The following BTBD17 variants were observed in gnomAD, a reference collection of about 807,000 sequenced individuals.
BTBD17 encodes the protein BTB/POZ domain-containing protein 17.
BTBD17 carries 26 observed loss-of-function variants against 36.9 expected under a neutral mutation model. The observed-to-expected ratio is 0.70, with a 90% confidence interval of 0.52 to 0.98. The LOEUF (loss-of-function observed/expected upper bound fraction) is 0.98. Ranked by LOEUF, BTBD17 falls within the 50% of genes least tolerant of loss-of-function variation. The probability of loss-of-function intolerance (pLI) is 0.00; values close to 1 mark genes in which losing one functional copy is unlikely to be tolerated. For missense variants in BTBD17, 630 were observed against 691.3 expected (o/e 0.91, Z 0.99); for synonymous variants, 341 against 338.0 (o/e 1.01, Z -0.10).
rs781400329 is a variant in BTBD17, at chr17:74,356,783, C to T, written c.1311G>A (p.Glu437=). 5.6e-6 allele frequency: 9 copies of T among 1,602,148 alleles called. No homozygotes were observed. The highest frequency in any genetic ancestry group is 7.7e-6 in the Non-Finnish European group (9 of 1,175,606). Residue 437 remains glutamate, a synonymous_variant, in exon 3 of 3, where the codon GAG becomes GAA. Coordinates refer to ENST00000375366, the MANE Select transcript of BTBD17 (RefSeq NM_001080466.2). This position sits in a 1 kb window ranked among gnomAD's most constrained non-coding sequence, Gnocchi z 4.3. Reference sequence around the variant, plus strand: ...CGGCGTGCGCCAGGAAGTCGCCGGCCTCCTCGCTGCTCTGGTGGAAGCTGT... The same window carrying T: ...CGGCGTGCGCCAGGAAGTCGCCGGCTTCCTCGCTGCTCTGGTGGAAGCTGT... The part of the protein sequence containing the change: ...HAYSFHQSSE[E]AGDFLAHADL...
intron 1 of BTBD17, 93 bp downstream of exon 1, chr17:74,361,642 G>T: frequency 9.8e-7 from 1 of 1,017,312 alleles, no homozygotes; most frequent in Non-Finnish European, 1.5e-6. Context: ...CCCAGCAGCT[G>T]GACACCGCCC....
Position 74,356,832 on chromosome 17 carries a change from C to T in BTBD17, c.1262G>A (p.Gly421Asp), listed in dbSNP as rs1289103514. 6.4e-7 allele frequency: 1 copy of T among 1,570,298 alleles called. No individual in the cohort carries two copies. The highest frequency in any genetic ancestry group is 8.6e-7 in the Non-Finnish European group (1 of 1,164,326). Reference protein sequence around the residue: ...KTVLVGARQQGRLLVRHAYSF... With the variant: ...KTVLVGARQQDRLLVRHAYSF... ...GTAGGCGTGGCGGACCAGCAGGCGG[C>T]CCTGCTGGCGCGCCCCCACCAGCAC... The change falls in exon 3 of 3, where the codon GGC becomes GAC. Residue 421 changes from glycine to aspartate, a missense_variant. Coordinates refer to ENST00000375366, the MANE Select transcript of BTBD17 (RefSeq NM_001080466.2). The surrounding 1 kb of genome is among the most constrained non-coding windows in gnomAD (Gnocchi z 4.3).
At position 74,361,784 on chromosome 17, in the gene BTBD17, C is replaced by T; in HGVS notation, c.36G>A (p.Trp12Ter). The T allele has an allele frequency of 6.2e-7, 1 of 1,613,936 alleles. No homozygotes were observed. The highest frequency in any genetic ancestry group is 8.5e-7 in the Non-Finnish European group (1 of 1,179,934). The change falls in exon 1 of 3, where the codon TGG becomes TGA. Residue 12 changes from tryptophan (W) to a stop codon, truncating the protein, a stop_gained. Transcript: ENST00000375366. LOFTEE classifies it high-confidence loss of function. ...AGGTCAGCATGGCCCAGAAGCTGCC[C>T]CAGGACCCAGGCTTGGAGTAGCCTC... ...PRRGYSKPGS[W>*]GSFWAMLTLV...
Position 74,357,868 on chromosome 17 carries a change from C to G in BTBD17, c.363-137G>C. On this transcript the variant is annotated intron_variant, in intron 2 of 2. Coordinates refer to ENST00000375366, the MANE Select transcript of BTBD17 (RefSeq NM_001080466.2). This position sits in a 1 kb window ranked among gnomAD's most constrained non-coding sequence, Gnocchi z 8.4. ...GTGCAAACACAGTGGAAGCCCCACC[C>G]TGAGGCTTCCCATGTTTTCCTTTCA... 4.8e-6 allele frequency: 3 copies of G among 621,630 alleles called. No individual in the cohort carries two copies. Among genetic ancestry groups the G allele is most frequent in the Non-Finnish European group, 8.1e-6 (3 of 372,044 alleles). The allele number at this position is 621,630 out of a possible 1,614,324, so 38.5% of individuals were successfully genotyped here.
At chr17:74,360,371 C>T (rs1012002046) in intron 1 of BTBD17, 126 bp from the exon 2 acceptor site, 6 of 1,028,428 alleles carry the variant, frequency 5.8e-6, no homozygotes, top group African/African-American at 1.6e-5. Flanking sequence ...TGGGCCTAGG[C>T]GGGTTGTATG....
rs369569004 is a variant in BTBD17 at position 74,357,435 on chromosome 17, G to A, written c.659C>T (p.Ser220Leu). Residue 220 changes from serine to leucine, a missense_variant, in exon 3 of 3, where the codon TCG (serine) becomes TTG (leucine). Ser to Leu is a moderately radical substitution (Grantham distance 145). Transcript: ENST00000375366. This position sits in a 1 kb window ranked among gnomAD's most constrained non-coding sequence, Gnocchi z 8.4. ...CAGTTCATCCTGCAGCACCAGGTCC[G>A]AGCGTTGCAGGAGCTGCCAGAGCAG... is the stretch of plus-strand genomic sequence containing the variant. ...PELLWQLLQR[S>L]DLVLQDELEL... is the part of the protein sequence containing the mutation. The A allele has an allele frequency of 2.5e-5, 40 of 1,583,948 alleles. No individual in the cohort carries two copies. The highest frequency in any genetic ancestry group is 3.2e-5 in the Non-Finnish European group (37 of 1,173,564).
chr17:74,359,231 A>G (rs2054919199), intron 2 of BTBD17, among the ~76,000 whole-genome samples: 1 of 152,218 alleles, frequency 6.6e-6, no homozygotes, highest in Non-Finnish European at 1.5e-5. Context: ...ATATTCGTCT[A>G]TAATGGAATA....
intron 1 of BTBD17, 115 bp from the exon 2 acceptor site, chr17:74,360,360 G>C: frequency 2.6e-6 from 3 of 1,147,366 alleles, no homozygotes; most frequent in South Asian, 1.6e-5. Flanking sequence ...AGAGGGCAAG[G>C]TGGGCCTAGG....
rs2054896890 is a variant in BTBD17, at chr17:74,356,995, C to G, written c.1099G>C (p.Val367Leu). The G allele has an allele frequency of 3.4e-6, 5 of 1,485,874 alleles. 1 individual carries two copies. Among genetic ancestry groups the G allele is most frequent in the Middle Eastern group, 2.0e-4 (1 of 4,894 alleles). 92.0% of individuals were successfully genotyped at this position (1,485,874 alleles called of 1,614,324 possible). ...TCCGCGTAAACGGGCCGCAGGCTGA[C>G]GGGCAGCCAGCGCGGCGAGAAGAGC... ...NVLFSPRWLPVSLRPVYADAA... is the reference protein window; with the variant it reads ...NVLFSPRWLPLSLRPVYADAA... The change falls in exon 3 of 3, where the codon GTC becomes CTC. Residue 367 changes from valine (V) to leucine (L), a missense_variant. By Grantham distance (32) the Val-to-Leu change is conservative (BLOSUM62 1). Coordinates refer to ENST00000375366, the MANE Select transcript of BTBD17 (RefSeq NM_001080466.2). This position sits in a 1 kb window ranked among gnomAD's most constrained non-coding sequence, Gnocchi z 4.3.
rs935153833 is a variant in BTBD17, at chr17:74,356,830, G to C, written c.1264C>G (p.Arg422Gly). The C allele has an allele frequency of 9.5e-6, 15 of 1,570,812 alleles. No homozygotes were observed. Among genetic ancestry groups the C allele is most frequent in the Non-Finnish European group, 1.3e-5 (15 of 1,164,492 alleles). The part of the protein sequence containing the change: ...TVLVGARQQG[R>G]LLVRHAYSFH... ...CTGTAGGCGTGGCGGACCAGCAGGC[G>C]GCCCTGCTGGCGCGCCCCCACCAGC... The change falls in exon 3 of 3, where the codon CGC becomes GGC. Residue 422 changes from arginine (R) to glycine (G), a missense_variant. Transcript: ENST00000375366. The surrounding 1 kb of genome is among the most constrained non-coding windows in gnomAD (Gnocchi z 4.3).
At chr17:74,359,443 A>G (rs2054921726) in intron 2 of BTBD17, among the ~76,000 whole-genome samples, 2 of 152,064 alleles carry the variant, frequency 1.3e-5, no homozygotes, top group Non-Finnish European at 2.9e-5. Context: ...ATCTAGTGGC[A>G]CAATCTCAGC....
At chr17:74,359,544 C>T (rs1165936075) in intron 2 of BTBD17, among the ~76,000 whole-genome samples, 1 of 152,160 alleles carries the variant, frequency 6.6e-6, no homozygotes, top group African/African-American at 2.4e-5. Context: ...TGTGCCACCA[C>T]ACCCAGCTAA....
Position 74,357,198 on chromosome 17 carries a change from T to C in BTBD17, c.896A>G (p.His299Arg), listed in dbSNP as rs1161370530. The C allele has an allele frequency of 6.4e-7, 1 of 1,573,520 alleles. No individual in the cohort carries two copies. Among genetic ancestry groups the C allele is most frequent in the Non-Finnish European group, 8.6e-7 (1 of 1,164,644 alleles). The change falls in exon 3 of 3, where the codon CAC becomes CGC. Residue 299 changes from histidine to arginine, a missense_variant. His to Arg is a conservative substitution (Grantham distance 29). Coordinates refer to ENST00000375366, the MANE Select transcript of BTBD17 (RefSeq NM_001080466.2). This position sits in a 1 kb window ranked among gnomAD's most constrained non-coding sequence, Gnocchi z 8.4. ...GTTGACGTCGAAGAACTTGGCGTAG[T>C]GCAGCGGCGACGCGGCGTGGAACTG... ...AYQFHAASPL[H>R]YAKFFDVNGS...
chr17:74,361,057 G>A (rs1310631747), intron 1 of BTBD17, among the ~76,000 whole-genome samples: 1 of 152,202 alleles, frequency 6.6e-6, no homozygotes, highest in Non-Finnish European at 1.5e-5. Context: ...GATTTTCTGG[G>A]GTGGCCAGCA....
intron 1 of BTBD17, 30 bp from the exon 2 acceptor site, chr17:74,360,275 G>T: frequency 6.4e-7 from 1 of 1,574,604 alleles, no homozygotes; most frequent in Admixed American, 1.7e-5. Context: ...AGCATAGCCT[G>T]AGAAGGTGCC....
Position 74,356,694 on chromosome 17 carries a change from T to C in BTBD17, c.1400A>G (p.Lys467Arg), listed in dbSNP as rs201880257. 1.2e-5 allele frequency: 19 copies of C among 1,578,450 alleles called. 1 individual carries two copies. In the Middle Eastern group the frequency reaches 5.0e-4, roughly 42 times the overall value. Reference sequence around the variant, plus strand: ...CCGGATAAGGGTGTGGTATACGGGCTTGACGATGAGGTGCAGGTGCAGGGC... The same window carrying C: ...CCGGATAAGGGTGTGGTATACGGGCCTGACGATGAGGTGCAGGTGCAGGGC... ...ENALHLHLIV[K>R]PVYHTLIRTP... is the part of the protein sequence containing the mutation. Residue 467 changes from lysine to arginine, a missense_variant, in exon 3 of 3, where the codon AAG (lysine) becomes AGG (arginine). By Grantham distance (26) the Lys-to-Arg change is conservative (BLOSUM62 2). Transcript: ENST00000375366. The surrounding 1 kb of genome is among the most constrained non-coding windows in gnomAD (Gnocchi z 4.3).
chr17:74,357,253 C>T lies in BTBD17; in HGVS notation c.841G>A (p.Ala281Thr). ...GCCTGCAGCAGGAGGTCGGCCACCG[C>T]GGGGCCGTGGCGCGCCAGGGCTGCC... ...RSAALARHGP[A>T]VADLLLQAYQ... The change falls in exon 3 of 3, where the codon GCG becomes ACG. Residue 281 changes from alanine (A) to threonine (T), a missense_variant. Coordinates refer to ENST00000375366, the MANE Select transcript of BTBD17 (RefSeq NM_001080466.2). The surrounding 1 kb of genome is among the most constrained non-coding windows in gnomAD (Gnocchi z 8.4). 6.4e-7 allele frequency: 1 copy of T among 1,564,202 alleles called. No homozygotes were observed. Among genetic ancestry groups the T allele is most frequent in the Non-Finnish European group, 8.6e-7 (1 of 1,159,022 alleles).
intron 1 of BTBD17, 61 bp from the exon 2 acceptor site, chr17:74,360,306 G>C: frequency 6.6e-7 from 1 of 1,503,850 alleles, no homozygotes; most frequent in Admixed American, 2.0e-5. Flanking sequence ...ACCTCAGTCA[G>C]GGGTGGAGAG....
chr17:74,356,684 G>A lies in BTBD17; in HGVS notation c.1410C>T (p.Tyr470=). The A allele has an allele frequency of 6.4e-7, 1 of 1,572,122 alleles. No individual in the cohort carries two copies. The highest frequency in any genetic ancestry group is 8.6e-7 in the Non-Finnish European group (1 of 1,158,314). Residue 470 remains tyrosine, a synonymous_variant, in exon 3 of 3, where the codon TAC becomes TAT. Transcript: ENST00000375366. This position sits in a 1 kb window ranked among gnomAD's most constrained non-coding sequence, Gnocchi z 4.3. Reference sequence around the variant, plus strand: ...ACTTGGGGGTCCGGATAAGGGTGTGGTATACGGGCTTGACGATGAGGTGCA... The same window carrying A: ...ACTTGGGGGTCCGGATAAGGGTGTGATATACGGGCTTGACGATGAGGTGCA... ...LHLHLIVKPV[Y]HTLIRTPK is the part of the protein sequence containing the mutation.
Sources: allele counts gnomAD v4.1 joint callset (sites outside exome capture counted in the v4.1 genomes callset), GRCh38; gene constraint gnomAD v4.1.1; non-coding constraint Gnocchi (gnomAD v3.1); transcripts MANE v1.5; gene names NCBI Gene and HGNC (gene_info 2026-07-23, HGNC 2026-07-21).